GRM5: variants seen among roughly 807,000 people sequenced by gnomAD.
The protein encoded by GRM5 is metabotropic glutamate receptor 5.
Under a neutral mutation model 83.1 loss-of-function variants are expected in GRM5, and 19 were observed. The observed-to-expected ratio is 0.23, with a 90% CI of 0.16 to 0.34. GRM5 has a LOEUF of 0.34. Among genes scored for constraint, GRM5 ranks in the 10% least tolerant of loss-of-function variants. The probability of loss-of-function intolerance (pLI) is 1.00; values close to 1 mark genes in which losing one functional copy is unlikely to be tolerated. For synonymous variants in GRM5, 675 were observed against 633.6 expected (o/e 1.07, Z -0.98); for missense variants, 1,160 against 1,588.3 (o/e 0.73, Z 4.58).
chr11:88,626,680 C>G (rs1938805932), intron 4 of GRM5, among the ~76,000 whole-genome samples: 1 of 152,076 alleles, frequency 6.6e-6, no homozygotes, highest in African/African-American at 2.4e-5. Context: ...TGAAGAAACT[C>G]TAATTCCTAG....
intron 2 of GRM5, among the ~76,000 whole-genome samples, chr11:88,999,296 C>G (rs1303188935): frequency 6.6e-6 from 1 of 152,150 alleles, no homozygotes; most frequent in East Asian, 1.9e-4. Context: ...TCAGAGTGAA[C>G]AGGCAACCTA....
chr11:88,628,828 C>T (rs1447224273), intron 4 of GRM5, among the ~76,000 whole-genome samples: 2 of 152,136 alleles, frequency 1.3e-5, no homozygotes, highest in African/African-American at 2.4e-5. Flanking sequence ...GCTCCTGAGT[C>T]TTTTAAGTGA....
intron 2 of GRM5, among the ~76,000 whole-genome samples, chr11:88,986,312 C>T (rs1694054208): frequency 6.6e-6 from 1 of 152,048 alleles, no homozygotes; most frequent in Admixed American, 6.6e-5. Flanking sequence ...AGATGGAGAA[C>T]AGATTGGTGG....
At chr11:88,939,813 A>C (rs2135663543) in intron 2 of GRM5, among the ~76,000 whole-genome samples, 1 of 152,020 alleles carries the variant, frequency 6.6e-6, no homozygotes, top group African/African-American at 2.4e-5. Context: ...ACTTCTATTA[A>C]GAAGTAGTAG....
chr11:88,547,656 T>C (rs1942414952), intron 8 of GRM5, among the ~76,000 whole-genome samples: 1 of 152,140 alleles, frequency 6.6e-6, no homozygotes, highest in South Asian at 2.1e-4. Context: ...GCAAATATTT[T>C]TCAGCTAAAG....
At chr11:89,006,804 T>C (rs1200220838) in intron 2 of GRM5, among the ~76,000 whole-genome samples, 3 of 152,150 alleles carry the variant, frequency 2.0e-5, no homozygotes, top group African/African-American at 4.8e-5. Flanking sequence ...TTTTGCTTTG[T>C]TTTGTTTTGT....
intron 3 of GRM5, among the ~76,000 whole-genome samples, chr11:88,820,701 C>A (rs12279285): frequency 0.025 from 3,881 of 152,212 alleles, 174 homozygotes; most frequent in African/African-American, 0.089. Context: ...CAAAATATTT[C>A]GTAAATGTCT....
chr11:88,675,279 T>C (rs10501677), intron 3 of GRM5, among the ~76,000 whole-genome samples: 2,721 of 152,132 alleles, frequency 0.018, 65 homozygotes, highest in East Asian at 0.096. Context: ...TTCATTCCAT[T>C]GTCCTAGCAC....
chr11:88,971,144 G>C (rs192512934), intron 2 of GRM5, among the ~76,000 whole-genome samples: 1 of 151,994 alleles, frequency 6.6e-6, no homozygotes, highest in Admixed American at 6.6e-5. Flanking sequence ...AGATAGTTTT[G>C]GAATGCAAGT....
chr11:88,596,234 C>T (rs1335312670), intron 6 of GRM5, among the ~76,000 whole-genome samples: 1 of 152,158 alleles, frequency 6.6e-6, no homozygotes, highest in Non-Finnish European at 1.5e-5. Flanking sequence ...ACGTTTTCTC[C>T]AAATGTGTCT....
intron 4 of GRM5, among the ~76,000 whole-genome samples, chr11:88,626,818 CA>C (rs1185025747): frequency 3.3e-5 from 5 of 151,932 alleles, no homozygotes; most frequent in African/African-American, 7.3e-5. Flanking sequence ...AAAGAAGATA[CA>C]AAAAAAATTT....
At chr11:88,954,715 C>CA (rs1389870634) in intron 2 of GRM5, among the ~76,000 whole-genome samples, 1 of 152,124 alleles carries the variant, frequency 6.6e-6, no homozygotes, top group Non-Finnish European at 1.5e-5. Flanking sequence ...CTGTAGTAGA[C>CA]AGCACAGCTC....
At chr11:88,821,370 GAAA>G (rs1191938320) in intron 3 of GRM5, among the ~76,000 whole-genome samples, 2 of 118,630 alleles carry the variant, frequency 1.7e-5, no homozygotes, top group Admixed American at 8.9e-5. Context: ...AAAGAAAAAA[GAAA>G]AAAAAAAAAG....
At chr11:88,737,544 A>G (rs1452219462) in intron 3 of GRM5, among the ~76,000 whole-genome samples, 2 of 152,098 alleles carry the variant, frequency 1.3e-5, no homozygotes, top group Non-Finnish European at 1.5e-5. Context: ...TTATGAATGG[A>G]ACAATAATTA....
At chr11:88,986,568 T>C (rs1269419922) in intron 2 of GRM5, among the ~76,000 whole-genome samples, 1 of 152,102 alleles carries the variant, frequency 6.6e-6, no homozygotes, top group Non-Finnish European at 1.5e-5. Context: ...TGCTACTAAG[T>C]TGTATGGGTC....
At chr11:88,876,636 T>A (rs1944857807) in intron 2 of GRM5, among the ~76,000 whole-genome samples, 1 of 152,092 alleles carries the variant, frequency 6.6e-6, no homozygotes, top group Non-Finnish European at 1.5e-5. Flanking sequence ...CATGTGACTC[T>A]TTCTTCCAGT....
At chr11:89,028,965 T>A (rs1212671832) in intron 2 of GRM5, among the ~76,000 whole-genome samples, 1 of 148,552 alleles carries the variant, frequency 6.7e-6, no homozygotes, top group Non-Finnish European at 1.5e-5. Context: ...GTACCCTCCC[T>A]GTTCTCCTTC....
At chr11:88,768,489 T>C (rs1221616435) in intron 3 of GRM5, among the ~76,000 whole-genome samples, 2 of 151,828 alleles carry the variant, frequency 1.3e-5, no homozygotes, top group Non-Finnish European at 2.9e-5. Flanking sequence ...AGGTTCACTT[T>C]TACAAGATAA....
intron 2 of GRM5, among the ~76,000 whole-genome samples, chr11:88,875,945 G>A (rs1428022021): frequency 3.3e-5 from 5 of 152,012 alleles, no homozygotes; most frequent in Non-Finnish European, 7.4e-5. Context: ...TAGCTCTTAA[G>A]GGCCTTGGGG....
Sources: allele counts gnomAD v4.1 joint callset (sites outside exome capture counted in the v4.1 genomes callset), GRCh38; gene constraint gnomAD v4.1.1; transcripts MANE v1.5; gene names NCBI Gene and HGNC (gene_info 2026-07-23, HGNC 2026-07-21).